PBRM1: variants seen among roughly 807,000 people sequenced by gnomAD.
PBRM1 encodes the protein protein polybromo-1.
A neutral mutation model predicts 194.5 loss-of-function variants in PBRM1; 27 were observed. The observed-to-expected ratio is 0.14, with a 90% CI of 0.10 to 0.19. The LOEUF (loss-of-function observed/expected upper bound fraction) is 0.19. PBRM1 is among the 10% of genes least tolerant of loss of function. PBRM1 has a pLI of 1.00. For missense variants in PBRM1, 1,466 were observed against 2,077.2 expected, an observed-to-expected ratio of 0.71 and a Z score of 5.72; for synonymous variants, 655 against 693.2, an observed-to-expected ratio of 0.94 and a Z score of 0.87.
At chr3:52,618,601 T>TA (rs908653863) in intron 13 of PBRM1, among the ~76,000 whole-genome samples, 6 of 151,218 alleles carry the variant, frequency 4.0e-5, no homozygotes, top group Non-Finnish European at 7.4e-5. Context: ...GTTTTTTTTT[T>TA]TTTTTTTTTT....
At chr3:52,638,695 G>A (rs1322968028) in intron 10 of PBRM1, among the ~76,000 whole-genome samples, 1 of 151,876 alleles carries the variant, frequency 6.6e-6, no homozygotes, top group South Asian at 2.1e-4. Context: ...CTGGGCTCAG[G>A]CAATCCTCCT....
chr3:52,681,324 A>G (rs944686881), upstream of PBRM1: 2 of 152,044 alleles, frequency 1.3e-5, no homozygotes, highest in African/African-American at 2.4e-5. Flanking sequence ...TTTCCAAACT[A>G]AAGTCCACAT....
intron 15 of PBRM1, among the ~76,000 whole-genome samples, chr3:52,611,713 A>G (rs79991889): frequency 0.12 from 17,708 of 151,842 alleles, 2,576 homozygotes; most frequent in African/African-American, 0.35. Flanking sequence ...GCTAAAGTGG[A>G]AGGACTGCTT....
chr3:52,684,954 T>C (rs1160196798), intron 1 of PBRM1: 1 of 152,200 alleles, frequency 6.6e-6, no homozygotes, highest in Non-Finnish European at 1.5e-5. Flanking sequence ...CTCTTTTATG[T>C]GCATGAGTCC....
intron 7 of PBRM1, among the ~76,000 whole-genome samples, chr3:52,646,786 T>C (rs970316647): frequency 6.6e-6 from 1 of 152,210 alleles, no homozygotes; most frequent in Non-Finnish European, 1.5e-5. Flanking sequence ...CTAAGTACGT[T>C]AAGAGCTAAA....
chr3:52,606,737 G>A (rs1380994499), intron 16 of PBRM1, among the ~76,000 whole-genome samples: 1 of 152,176 alleles, frequency 6.6e-6, no homozygotes, highest in Non-Finnish European at 1.5e-5. Flanking sequence ...TAAGAATACA[G>A]GAGGCTCTTA....
intron 13 of PBRM1, among the ~76,000 whole-genome samples, chr3:52,623,456 A>G (rs34537256): frequency 0.34 from 51,459 of 152,114 alleles, 9,710 homozygotes; most frequent in Admixed American, 0.46. Context: ...TTCTTTTACA[A>G]GGCTTGCTAT....
chr3:52,604,601 G>A (rs1245616031), intron 16 of PBRM1, among the ~76,000 whole-genome samples: 1 of 152,112 alleles, frequency 6.6e-6, no homozygotes, highest in Non-Finnish European at 1.5e-5. Flanking sequence ...GCTGAGGCGG[G>A]AGGGTCACTT....
chr3:52,646,053 CTTAG>C (rs1029303815), intron 7 of PBRM1, among the ~76,000 whole-genome samples: 2 of 152,100 alleles, frequency 1.3e-5, no homozygotes, highest in Non-Finnish European at 2.9e-5. Context: ...CTCTTTAAAA[CTTAG>C]TTAGAAAAAA....
chr3:52,561,126 C>CA (rs1047426993), intron 25 of PBRM1, among the ~76,000 whole-genome samples: 2 of 151,846 alleles, frequency 1.3e-5, no homozygotes, highest in Non-Finnish European at 2.9e-5. Flanking sequence ...CAACAAAAAA[C>CA]AAAAAATCTC....
rs1430850783 is a variant in PBRM1, at chr3:52,561,757, C to T, written c.4288+10G>A. On this transcript the variant is annotated intron_variant, in intron 25 of 29. Transcript: ENST00000296302. ...GCTTCGAAAGACAGTTGTGCCTAGG[C>T]TCTATTTACCTTCATATTCTGCTTT... 4.3e-6 allele frequency: 7 copies of T among 1,611,610 alleles called. No individual in the cohort carries two copies. Among genetic ancestry groups the T allele is most frequent in the Non-Finnish European group, 5.9e-6 (7 of 1,178,284 alleles).
chr3:52,591,817 CTTTTTTT>C (rs34822595), intron 17 of PBRM1, among the ~76,000 whole-genome samples: 3 of 94,958 alleles, frequency 3.2e-5, no homozygotes, highest in Admixed American at 1.2e-4. Flanking sequence ...TGCGCCCGGC[CTTTTTTT>C]TTTTTTTTTT....
At chr3:52,571,807 A>T (rs533105399) in intron 22 of PBRM1, among the ~76,000 whole-genome samples, 1 of 130,778 alleles carries the variant, frequency 7.6e-6, no homozygotes, top group Non-Finnish European at 1.6e-5. Context: ...AGGATGCTTG[A>T]GGCCAGGAGT....
intron 13 of PBRM1, among the ~76,000 whole-genome samples, chr3:52,626,393 C>A (rs954009063): frequency 2.6e-5 from 4 of 152,158 alleles, no homozygotes; most frequent in African/African-American, 9.7e-5. Context: ...TTTTTAAATT[C>A]TTCTTAGTGG....
intron 17 of PBRM1, among the ~76,000 whole-genome samples, chr3:52,593,565 T>C (rs1416172681): frequency 1.3e-5 from 2 of 152,196 alleles, no homozygotes; most frequent in Non-Finnish European, 2.9e-5. Context: ...TGTGGGTGTT[T>C]AGTGTGATAA....
At chr3:52,570,726 T>TG (rs1489989136) in intron 22 of PBRM1, among the ~76,000 whole-genome samples, 2 of 152,204 alleles carry the variant, frequency 1.3e-5, no homozygotes, top group Non-Finnish European at 2.9e-5. Context: ...TAGATCAATT[T>TG]GGGGGGAACT....
At chr3:52,589,788 A>G (rs1307221900) in intron 17 of PBRM1, among the ~76,000 whole-genome samples, 1 of 152,144 alleles carries the variant, frequency 6.6e-6, no homozygotes, top group Non-Finnish European at 1.5e-5. Flanking sequence ...CAAGAACACT[A>G]GCCCTGAGAG....
intron 17 of PBRM1, among the ~76,000 whole-genome samples, chr3:52,593,537 A>ATTG (rs751252168): frequency 2.8e-4 from 43 of 152,216 alleles, no homozygotes; most frequent in Middle Eastern, 3.4e-3. Context: ...GTGCCTGGCC[A>ATTG]TTGACCTATC....
chr3:52,592,252 C>G (rs1354711902), intron 17 of PBRM1, among the ~76,000 whole-genome samples: 3 of 151,750 alleles, frequency 2.0e-5, no homozygotes, highest in Admixed American at 1.3e-4. Context: ...CTGCCTCGGC[C>G]TCTCGAATAG....
Sources: allele counts gnomAD v4.1 joint callset (sites outside exome capture counted in the v4.1 genomes callset), GRCh38; gene constraint gnomAD v4.1.1; transcripts MANE v1.5; gene names NCBI Gene and HGNC (gene_info 2026-07-23, HGNC 2026-07-21).